The following PDE3A variants were observed in gnomAD, a reference collection of about 807,000 sequenced individuals.
PDE3A encodes the protein cGMP-inhibited 3',5'-cyclic phosphodiesterase 3A.
Under a neutral mutation model 98.3 loss-of-function variants are expected in PDE3A, and 43 were observed. The ratio of observed to expected loss-of-function variants is 0.44; its 90% CI spans 0.34 to 0.56. PDE3A has a LOEUF of 0.56. Ranked by LOEUF, PDE3A falls within the 20% of genes least tolerant of loss-of-function variation. The pLI is 0.01. For synonymous variants in PDE3A, 663 were observed against 567.9 expected (o/e 1.17, Z -2.38); for missense variants, 1,427 against 1,440.7 (o/e 0.99, Z 0.15).
At chr12:20,581,551 A>C (rs1368934903) in intron 2 of PDE3A, among the ~76,000 whole-genome samples, 1 of 151,876 alleles carries the variant, frequency 6.6e-6, no homozygotes, top group Admixed American at 6.6e-5. Context: ...TATAGACGTT[A>C]CGACTTTTTC....
chr12:20,653,349 T>A (rs1191410090), intron 14 of PDE3A, among the ~76,000 whole-genome samples: 3 of 151,580 alleles, frequency 2.0e-5, no homozygotes, highest in East Asian at 1.9e-4. Context: ...TATATATTTT[T>A]AAAAAAATTG....
Position 20,630,031 on chromosome 12 carries a change from C to T in PDE3A, c.1664C>T (p.Ala555Val), listed in dbSNP as rs762528405. The T allele has an allele frequency of 5.0e-6, 8 of 1,613,866 alleles. No homozygotes were observed. The African/African-American group carries it at 9.3e-5, about 19-fold the overall frequency. ...VQFPESADTT[A>V]KQSLGSHRAL... is the part of the protein sequence containing the mutation. ...TTTCCAGAATCTGCTGACACAACTG[C>T]CAAACAAAGCCTAGGTTCTCACAGG... is the stretch of plus-strand genomic sequence containing the variant. The change falls in exon 6 of 16, where the codon GCC becomes GTC. Residue 555 changes from alanine (A) to valine (V), a missense_variant. Around this residue, in one of 3 missense-constraint regions of PDE3A, gnomAD observed 1,012 missense variants for 886.5 expected, o/e 1.14. Coordinates refer to ENST00000359062, the MANE Select transcript of PDE3A (RefSeq NM_000921.5).
chr12:20,500,816 G>C (rs1946010922), intron 1 of PDE3A, among the ~76,000 whole-genome samples: 1 of 148,318 alleles, frequency 6.7e-6, no homozygotes, highest in Admixed American at 6.8e-5. Context: ...TGCCCAGGCT[G>C]GAGTACAGTG....
chr12:20,593,087 G>A (rs1381630389), intron 2 of PDE3A, among the ~76,000 whole-genome samples: 2 of 152,148 alleles, frequency 1.3e-5, no homozygotes, highest in African/African-American at 2.4e-5. Flanking sequence ...GTACTATGGA[G>A]ACTTCGAGGC....
In PDE3A at chr12:20,556,627, T is replaced by A. The variant is rs1305037168; in HGVS notation, c.961-33T>A. The A allele has an allele frequency of 6.5e-6, 9 of 1,388,494 alleles. No homozygotes were observed. The Admixed American group carries it at 1.5e-4, about 24-fold the overall frequency. The allele number at this position is 1,388,494 out of a possible 1,614,324, so 86.0% of individuals were successfully genotyped here. On this transcript the variant is annotated intron_variant, in intron 1 of 15. Transcript: ENST00000359062. ...GAAAAATGTTTGTCAGGTAAAATAA[T>A]CATTTAACTTATTATAATTTTCATC...
intron 1 of PDE3A, among the ~76,000 whole-genome samples, chr12:20,386,088 T>TATAAATATAA (rs1555140934): frequency 3.0e-5 from 1 of 33,766 alleles, no homozygotes; most frequent in Non-Finnish European, 5.4e-5. Flanking sequence ...TATAAATATA[T>TATAAATATAA]AAATATATAT....
intron 2 of PDE3A, among the ~76,000 whole-genome samples, chr12:20,598,018 G>C (rs1943505647): frequency 2.0e-5 from 3 of 151,910 alleles, no homozygotes; most frequent in Admixed American, 2.0e-4. Context: ...TTCTAACAGT[G>C]TTTCTTTAGA....
At chr12:20,650,362 A>G in intron 13 of PDE3A, 83 bp from the exon 14 acceptor site, 1 of 843,760 alleles carries the variant, frequency 1.2e-6, no homozygotes, top group Non-Finnish European at 1.9e-6. Context: ...TATGAAGACA[A>G]TAAATGTTCT....
chr12:20,401,631 C>T (rs1262258830), intron 1 of PDE3A, among the ~76,000 whole-genome samples: 1 of 152,108 alleles, frequency 6.6e-6, no homozygotes, highest in Non-Finnish European at 1.5e-5. Flanking sequence ...GAAATTTTAC[C>T]CATCTTCTAC....
intron 1 of PDE3A, among the ~76,000 whole-genome samples, chr12:20,554,378 A>AT (rs201176596): frequency 0.054 from 7,935 of 147,988 alleles, 246 homozygotes; most frequent in African/African-American, 0.077. Flanking sequence ...AAAAATAAAA[A>AT]AAATAAAAAA....
intron 2 of PDE3A, chr12:20,557,034 G>A (rs767146459): frequency 1.3e-4 from 35 of 261,952 alleles, no homozygotes; most frequent in East Asian, 3.9e-4. Flanking sequence ...CAATTTTTCC[G>A]TGTATTTTCT....
intron 1 of PDE3A, among the ~76,000 whole-genome samples, chr12:20,530,477 G>A (rs1946604538): frequency 6.8e-6 from 1 of 147,650 alleles, no homozygotes; most frequent in Admixed American, 7.2e-5. Flanking sequence ...ATATATTAAT[G>A]ACTATACAAT....
At chr12:20,543,444 C>A (rs1462192288) in intron 1 of PDE3A, among the ~76,000 whole-genome samples, 1 of 151,914 alleles carries the variant, frequency 6.6e-6, no homozygotes, top group Non-Finnish European at 1.5e-5. Flanking sequence ...AAAGAGTAGC[C>A]TTTTGCTACT....
At chr12:20,391,329 T>C (rs1017298789) in intron 1 of PDE3A, among the ~76,000 whole-genome samples, 1 of 148,792 alleles carries the variant, frequency 6.7e-6, no homozygotes, top group Non-Finnish European at 1.5e-5. Flanking sequence ...AGCATCATCG[T>C]GTGTGTGTAT....
At chr12:20,393,157 G>A (rs1193405748) in intron 1 of PDE3A, among the ~76,000 whole-genome samples, 4 of 151,882 alleles carry the variant, frequency 2.6e-5, no homozygotes, top group East Asian at 3.9e-4. Context: ...CTGTTTTCAC[G>A]CTGCCTATAA....
intron 1 of PDE3A, among the ~76,000 whole-genome samples, chr12:20,400,381 T>G (rs1357833754): frequency 0.015 from 34 of 2,298 alleles, no homozygotes; most frequent in African/African-American, 0.027. Context: ...TAACATTGGT[T>G]TTTTTTTTTT....
At chr12:20,676,499 T>A (rs1447086824) in intron 15 of PDE3A, among the ~76,000 whole-genome samples, 2 of 2,920 alleles carry the variant, frequency 6.8e-4, no homozygotes, top group South Asian at 0.091. Flanking sequence ...TGTCTTTGAC[T>A]TTTTTTTTTT....
chr12:20,572,166 G>A, intron 2 of PDE3A: 1 of 1,245,386 alleles, frequency 8.0e-7, no homozygotes, highest in Admixed American at 2.3e-5. Context: ...CTTCTACTGG[G>A]AAAAGGTATG....
chr12:20,446,397 C>T (rs1176438372), intron 1 of PDE3A, among the ~76,000 whole-genome samples: 3 of 152,086 alleles, frequency 2.0e-5, no homozygotes, highest in Non-Finnish European at 4.4e-5. Context: ...CTGCTTTCCT[C>T]GAGCTTCATT....
Sources: allele counts gnomAD v4.1 joint callset (sites outside exome capture counted in the v4.1 genomes callset), GRCh38; gene constraint gnomAD v4.1.1; regional missense constraint gnomAD v4.1.1; transcripts MANE v1.5; gene names NCBI Gene and HGNC (gene_info 2026-07-23, HGNC 2026-07-21).